The following SLC19A1 variants were observed in gnomAD, a reference collection of about 807,000 sequenced individuals.
SLC19A1 encodes the protein solute carrier family 19 member 1.
A neutral mutation model predicts 35.3 loss-of-function variants in SLC19A1; 37 were observed. The ratio of observed to expected loss-of-function variants is 1.05; its 90% CI spans 0.81 to 1.38. The LOEUF (loss-of-function observed/expected upper bound fraction) is 1.38, where lower values mean the gene tolerates loss of function less well. Ranked by LOEUF, SLC19A1 falls within the 40% of genes most tolerant of loss-of-function variation. The probability of loss-of-function intolerance (pLI) is 0.00; values close to 1 mark genes in which losing one functional copy is unlikely to be tolerated. For synonymous variants in SLC19A1, 460 were observed against 398.5 expected (o/e 1.15, Z -1.84); for missense variants, 831 against 826.9 (o/e 1.00, Z -0.06).
downstream of SLC19A1, chr21:45,509,923 A>T (rs2037473119): frequency 3.1e-6 from 3 of 962,616 alleles, no homozygotes; most frequent in Non-Finnish European, 4.6e-6. Context: ...TGGGCCCCTC[A>T]GTGTGTCACT....
At chr21:45,506,138 G>A (rs952611620) in intron 3 of SLC19A1, 9 of 1,047,388 alleles carry the variant, frequency 8.6e-6, no homozygotes, top group Non-Finnish European at 1.3e-5. Context: ...TTTGTGAGCA[G>A]TTTTGGGTTT....
chr21:45,545,438 C>T (rs1250059638), upstream of SLC19A1, among the ~76,000 whole-genome samples: 3 of 151,932 alleles, frequency 2.0e-5, no homozygotes. Flanking sequence ...CACCTTCCAC[C>T]ATGTGTGGAA....
At chr21:45,522,451 GAA>G (rs1280991013) in intron 5 of SLC19A1, among the ~76,000 whole-genome samples, 1 of 152,198 alleles carries the variant, frequency 6.6e-6, no homozygotes, top group African/African-American at 2.4e-5. Flanking sequence ...TTCCTGGAAA[GAA>G]ACAAGCAACT....
intron 5 of SLC19A1, among the ~76,000 whole-genome samples, chr21:45,524,861 G>A (rs1030863505): frequency 5.3e-5 from 8 of 151,590 alleles, no homozygotes; most frequent in Non-Finnish European, 1.2e-4. Context: ...CACCCTAAGC[G>A]TTCACCCCTG....
downstream of SLC19A1, among the ~76,000 whole-genome samples, chr21:45,511,479 G>T (rs1277323244): frequency 6.6e-6 from 1 of 152,126 alleles, no homozygotes; most frequent in South Asian, 2.1e-4. Context: ...TGCTCATGGC[G>T]GATAGACTCC....
chr21:45,526,531 C>T (rs917386010), intron 4 of SLC19A1, among the ~76,000 whole-genome samples: 2 of 152,150 alleles, frequency 1.3e-5, no homozygotes, highest in Admixed American at 6.5e-5. Flanking sequence ...GTTGTCTTTC[C>T]GGTGCTCAAA....
At position 45,533,617 on chromosome 21, in the gene SLC19A1, T is replaced by G. The variant is rs1022763611; in HGVS notation, c.190-1469A>C. Reference sequence around the variant, plus strand: ...AGATCCACTGGAGGTTGGTACCAGATGAGCCAGCAGGGCCCTGCTGGACTC... The same window carrying G: ...AGATCCACTGGAGGTTGGTACCAGAGGAGCCAGCAGGGCCCTGCTGGACTC... On this transcript the variant is annotated intron_variant, in intron 2 of 5. Coordinates refer to ENST00000311124, the MANE Select transcript of SLC19A1 (RefSeq NM_194255.4). The surrounding 1 kb of genome is among the most constrained non-coding windows in gnomAD (Gnocchi z 4.5). Among the ~76,000 whole-genome samples the G allele has an allele frequency of 1.3e-5, 2 of 151,152 alleles. No homozygotes were observed. The highest frequency in any genetic ancestry group is 3.0e-5 in the Non-Finnish European group (2 of 67,664).
intron 3 of SLC19A1, chr21:45,506,350 C>T: frequency 2.8e-6 from 1 of 355,606 alleles, no homozygotes; most frequent in Non-Finnish European, 5.5e-6. Context: ...ACGGCCCCGG[C>T]TGGGGGGCAG....
chr21:45,528,071 G>C (rs1374685552), intron 4 of SLC19A1, among the ~76,000 whole-genome samples: 1 of 152,012 alleles, frequency 6.6e-6, no homozygotes, highest in African/African-American at 2.4e-5. Flanking sequence ...TGGAGACGGG[G>C]GGACAGTGGG....
At chr21:45,560,599 A>C (rs1339062141) in intron 1 of SLC19A1, among the ~76,000 whole-genome samples, 1 of 152,238 alleles carries the variant, frequency 6.6e-6, no homozygotes, top group African/African-American at 2.4e-5. Flanking sequence ...ACAGGAGGGA[A>C]GAGACAACAC....
intron 5 of SLC19A1, among the ~76,000 whole-genome samples, chr21:45,524,923 G>T: frequency 6.6e-6 from 1 of 152,238 alleles, no homozygotes; most frequent in East Asian, 1.9e-4. Context: ...CGGGGGTGTT[G>T]TACCCAGAGG....
chr21:45,503,213 T>C (rs1238525855), intron 3 of SLC19A1, among the ~76,000 whole-genome samples: 11 of 152,344 alleles, frequency 7.2e-5, no homozygotes, highest in East Asian at 3.9e-4. Flanking sequence ...CCTATTTCTC[T>C]ACATCCTCTC....
At chr21:45,559,646 C>T (rs987005123) in intron 1 of SLC19A1, among the ~76,000 whole-genome samples, 2 of 152,198 alleles carry the variant, frequency 1.3e-5, no homozygotes, top group African/African-American at 2.4e-5. Flanking sequence ...GACCTCTGGA[C>T]GTGGGGCCAC....
At chr21:45,512,244 G>A, downstream of SLC19A1, 1 of 1,612,594 alleles carries the variant, frequency 6.2e-7, no homozygotes, top group Non-Finnish European at 8.5e-7. Flanking sequence ...CTGACCGAGA[G>A]CTACTGTGAG....
rs1452696064 is a variant in SLC19A1 at position 45,517,599 on chromosome 21, G to A, written c.1294-1459C>T. 6.6e-6 allele frequency among the ~76,000 whole-genome samples: 1 copy of A among 152,156 alleles called. No homozygotes were observed. The highest frequency in any genetic ancestry group is 2.4e-5 in the African/African-American group (1 of 41,442). On this transcript the variant is annotated intron_variant, in intron 5 of 5. Coordinates refer to ENST00000311124, the MANE Select transcript of SLC19A1 (RefSeq NM_194255.4). The surrounding 1 kb of genome is among the most constrained non-coding windows in gnomAD (Gnocchi z 4.4). ...CCCGAAGCCTCACGGAGTCAGCAGAGACCATATGGGGAGCCTGGCCTCTTA... is the reference window on the plus strand; with the variant it reads ...CCCGAAGCCTCACGGAGTCAGCAGAAACCATATGGGGAGCCTGGCCTCTTA...
chr21:45,508,816 TG>T (rs1035040441), downstream of SLC19A1, among the ~76,000 whole-genome samples: 16 of 152,058 alleles, frequency 1.1e-4, no homozygotes, highest in Non-Finnish European at 4.4e-5. Context: ...CCTGGCCCTG[TG>T]GAGCAGACAG....
chr21:45,515,984 G>C lies in SLC19A1; in HGVS notation c.1450C>G (p.Leu484Val), dbSNP rs759135376. 1 of 1,562,052 alleles carries C rather than the reference G, an allele frequency of 6.4e-7. No individual in the cohort carries two copies. The highest frequency in any genetic ancestry group is 8.7e-7 in the Non-Finnish European group (1 of 1,154,170). ...CCGAGGCCCTTGTCCTGCACGCTCA[G>C]TGCCTGTGCTGCCTTCTCCTCCGCG... Reference protein sequence around the residue: ...SAAEEKAAQALSVQDKGLGGL... With the variant: ...SAAEEKAAQAVSVQDKGLGGL... Residue 484 changes from leucine to valine, a missense_variant, in exon 6 of 6, where the codon CTG (leucine) becomes GTG (valine). Physicochemically the swap from Leu to Val is conservative, Grantham distance 32. Coordinates refer to ENST00000311124, the MANE Select transcript of SLC19A1 (RefSeq NM_194255.4).
chr21:45,530,287 C>T lies in SLC19A1; in HGVS notation c.1151+483G>A, dbSNP rs2077822054. Among the ~76,000 whole-genome samples the T allele has an allele frequency of 6.8e-6, 1 of 147,984 alleles. No homozygotes were observed. The highest frequency in any genetic ancestry group is 1.5e-5 in the Non-Finnish European group (1 of 67,224). ...CCATGTGTGAGTGTGGTGTGTTTGT[C>T]CATGTGTGCACGTGTGGTATGTGTT... On this transcript the variant is annotated intron_variant, in intron 4 of 5. Transcript: ENST00000311124. This position sits in a 1 kb window ranked among gnomAD's most constrained non-coding sequence, Gnocchi z 5.3.
chr21:45,509,673 C>T, downstream of SLC19A1: 1 of 855,386 alleles, frequency 1.2e-6, no homozygotes, highest in South Asian at 1.4e-5. Context: ...AGGGCCCAGC[C>T]CCTGCAGAGC....
Sources: allele counts gnomAD v4.1 joint callset (sites outside exome capture counted in the v4.1 genomes callset), GRCh38; gene constraint gnomAD v4.1.1; non-coding constraint Gnocchi (gnomAD v3.1); transcripts MANE v1.5; gene names NCBI Gene and HGNC (gene_info 2026-07-23, HGNC 2026-07-21).